Variants in SBF2 observed in about 807,000 individuals in gnomAD.
The protein encoded by SBF2 is myotubularin-related protein 13.
SBF2 carries 112 observed loss-of-function variants against 225.2 expected under a neutral mutation model. The ratio of observed to expected loss-of-function variants is 0.50; its 90% CI spans 0.43 to 0.58. SBF2 has a LOEUF of 0.58. Among genes scored for constraint, SBF2 ranks in the 20% least tolerant of loss-of-function variants. SBF2 has a pLI of 0.00. For synonymous variants in SBF2, 763 were observed against 773.3 expected, an observed-to-expected ratio of 0.99 and a Z score of 0.22; for missense variants, 1,996 against 2,206.2, an observed-to-expected ratio of 0.90 and a Z score of 1.91.
At chr11:9,908,763 T>C (rs926615121) in intron 16 of SBF2, among the ~76,000 whole-genome samples, 21 of 152,176 alleles carry the variant, frequency 1.4e-4, no homozygotes, top group African/African-American at 4.8e-4. Context: ...GGTGGTGTGA[T>C]TTTGGCTCAC....
intron 2 of SBF2, among the ~76,000 whole-genome samples, chr11:10,069,166 G>T (rs1218974703): frequency 1.3e-5 from 2 of 151,908 alleles, no homozygotes; most frequent in Non-Finnish European, 2.9e-5. Context: ...AACTAATTTT[G>T]ATTTTTTTAT....
chr11:9,913,606 G>A (rs984890188), intron 16 of SBF2, among the ~76,000 whole-genome samples: 4 of 150,880 alleles, frequency 2.7e-5, no homozygotes, highest in Non-Finnish European at 5.9e-5. Context: ...TGGCAATGAT[G>A]TTTTTTAACA....
At chr11:10,237,503 A>C (rs1032054307) in intron 1 of SBF2, among the ~76,000 whole-genome samples, 1 of 152,236 alleles carries the variant, frequency 6.6e-6, no homozygotes, top group East Asian at 1.9e-4. Flanking sequence ...AAATCATCTC[A>C]GTACTTAAAA....
intron 24 of SBF2, among the ~76,000 whole-genome samples, chr11:9,844,789 A>G (rs557142095): frequency 6.6e-6 from 1 of 152,322 alleles, no homozygotes; most frequent in African/African-American, 2.4e-5. Flanking sequence ...TACCTAATGC[A>G]TGCAGGGTTT....
chr11:10,182,656 C>T (rs189217526), intron 2 of SBF2, among the ~76,000 whole-genome samples: 131 of 152,134 alleles, frequency 8.6e-4, no homozygotes, highest in African/African-American at 3.1e-3. Context: ...TGGGCTCAAG[C>T]GACCCTCCCA....
intron 1 of SBF2, among the ~76,000 whole-genome samples, chr11:10,194,522 T>TC (rs1233361767): frequency 6.6e-6 from 1 of 152,094 alleles, no homozygotes; most frequent in African/African-American, 2.4e-5. Flanking sequence ...TATAAACACT[T>TC]TTTTTTGAGG....
chr11:9,791,118 T>C (rs1166982002), intron 33 of SBF2: 2 of 175,332 alleles, frequency 1.1e-5, no homozygotes, highest in Admixed American at 1.1e-4. Context: ...TGAAGCCATT[T>C]AAAGAGTTTT....
At chr11:10,278,790 A>T (rs1320599223) in intron 1 of SBF2, among the ~76,000 whole-genome samples, 5 of 44,584 alleles carry the variant, frequency 1.1e-4, no homozygotes, top group Non-Finnish European at 3.5e-4. Context: ...CATCTCAATA[A>T]AAAAAAAAAA....
intron 1 of SBF2, among the ~76,000 whole-genome samples, chr11:10,220,797 C>T (rs1296591266): frequency 6.6e-6 from 1 of 152,074 alleles, no homozygotes. Context: ...TATACTGTGG[C>T]CCCACCAAAA....
At chr11:10,260,686 G>C (rs1488333581) in intron 1 of SBF2, among the ~76,000 whole-genome samples, 2 of 143,262 alleles carry the variant, frequency 1.4e-5, no homozygotes, top group Non-Finnish European at 3.0e-5. Context: ...CTGGGCAACA[G>C]AGCGAGATTC....
At chr11:10,179,056 A>G (rs1300492786) in intron 2 of SBF2, among the ~76,000 whole-genome samples, 1 of 148,288 alleles carries the variant, frequency 6.7e-6, no homozygotes, top group Non-Finnish European at 1.5e-5. Context: ...GACATGGATG[A>G]AATTGGAAAT....
intron 1 of SBF2, among the ~76,000 whole-genome samples, chr11:10,242,297 A>G (rs1959292474): frequency 6.6e-6 from 1 of 152,084 alleles, no homozygotes; most frequent in South Asian, 2.1e-4. Flanking sequence ...CTTCAAACAG[A>G]CTGTCATAAC....
At chr11:9,799,119 C>A (rs964623096) in intron 32 of SBF2, among the ~76,000 whole-genome samples, 1 of 152,056 alleles carries the variant, frequency 6.6e-6, no homozygotes, top group Non-Finnish European at 1.5e-5. Context: ...ATTTTGAAGA[C>A]CCACTTCTGA....
At chr11:9,822,663 A>G (rs1854835882) in intron 28 of SBF2, among the ~76,000 whole-genome samples, 1 of 152,118 alleles carries the variant, frequency 6.6e-6, no homozygotes. Flanking sequence ...GACACAGTTC[A>G]TTTTCCCCAT....
intron 34 of SBF2, among the ~76,000 whole-genome samples, chr11:9,789,769 T>C (rs936874589): frequency 4.6e-5 from 7 of 152,126 alleles, no homozygotes; most frequent in African/African-American, 1.7e-4. Context: ...CTGTCAAACC[T>C]GCTACTTTTT....
At chr11:9,829,058 T>A (rs996943881) in intron 28 of SBF2, among the ~76,000 whole-genome samples, 7 of 152,134 alleles carry the variant, frequency 4.6e-5, no homozygotes, top group Non-Finnish European at 8.8e-5. Context: ...GAAGACTGCT[T>A]GAGCCCAGAA....
At chr11:10,098,126 C>T (rs4641465) in intron 2 of SBF2, among the ~76,000 whole-genome samples, 1 of 152,100 alleles carries the variant, frequency 6.6e-6, no homozygotes, top group Non-Finnish European at 1.5e-5. Context: ...ACCCCTCTCT[C>T]CTGTACATGG....
At chr11:9,959,158 T>G (rs1372539774) in intron 16 of SBF2, 1 of 850,582 alleles carries the variant, frequency 1.2e-6, no homozygotes, top group Non-Finnish European at 2.0e-6. Flanking sequence ...CACCCAGAGA[T>G]GATCTTCCAT....
chr11:10,269,536 T>C (rs1962294882), intron 1 of SBF2, among the ~76,000 whole-genome samples: 1 of 152,258 alleles, frequency 6.6e-6, no homozygotes, highest in Non-Finnish European at 1.5e-5. Flanking sequence ...TCCATTTCTA[T>C]GATGAAAATG....
Sources: allele counts gnomAD v4.1 joint callset (sites outside exome capture counted in the v4.1 genomes callset), GRCh38; gene constraint gnomAD v4.1.1; transcripts MANE v1.5; gene names NCBI Gene and HGNC (gene_info 2026-07-23, HGNC 2026-07-21).